COMMD7: variants seen among roughly 807,000 people sequenced by gnomAD.
COMMD7 encodes COMM domain containing 7.
In COMMD7, 28 loss-of-function variants were observed where a neutral mutation model predicts 34.8. That is an observed-to-expected ratio of 0.80 (90% CI 0.60 to 1.10). The LOEUF is 1.10. Ranked by LOEUF, COMMD7 falls within the 50% of genes least tolerant of loss-of-function variation. The pLI is 0.00. For synonymous variants in COMMD7, 80 were observed against 86.4 expected (o/e 0.93, Z 0.41); for missense variants, 211 against 241.6 (o/e 0.87, Z 0.84).
chr20:32,726,360 C>T (rs779692597), intron 3 of COMMD7, among the ~76,000 whole-genome samples: 4 of 151,876 alleles, frequency 2.6e-5, no homozygotes, highest in Middle Eastern at 3.2e-3. Flanking sequence ...TTCTGCACTG[C>T]ACTCCAGCCT....
At chr20:32,733,438 G>T (rs1985955543) in intron 1 of COMMD7, among the ~76,000 whole-genome samples, 2 of 151,924 alleles carry the variant, frequency 1.3e-5, no homozygotes, top group Middle Eastern at 3.4e-3. Context: ...TTCAAAAATG[G>T]CCTGGAGCGG....
intron 3 of COMMD7, among the ~76,000 whole-genome samples, chr20:32,724,082 C>T (rs1985355395): frequency 6.0e-5 from 1 of 16,606 alleles, no homozygotes; most frequent in East Asian, 9.9e-4. Flanking sequence ...CCGCCCCATC[C>T]GGGAGGGAGG....
chr20:32,738,925 C>G (rs1462316815), intron 1 of COMMD7, among the ~76,000 whole-genome samples: 1 of 152,002 alleles, frequency 6.6e-6, no homozygotes, highest in Non-Finnish European at 1.5e-5. Flanking sequence ...GAGATGGAGT[C>G]TTGCTACGTT....
intron 1 of COMMD7, among the ~76,000 whole-genome samples, 183 bp from the exon 2 acceptor site, chr20:32,728,325 C>G (rs538579925): frequency 1.8e-3 from 268 of 152,156 alleles, no homozygotes; most frequent in African/African-American, 6.1e-3. Flanking sequence ...ATACCTGTGT[C>G]GCTACATCAT....
At chr20:32,709,857 G>A (rs888128691) in intron 3 of COMMD7, among the ~76,000 whole-genome samples, 2 of 150,742 alleles carry the variant, frequency 1.3e-5, no homozygotes, top group African/African-American at 2.4e-5. Context: ...AAGGATCCCC[G>A]ACCATTCTAT....
intron 3 of COMMD7, among the ~76,000 whole-genome samples, chr20:32,715,251 G>A (rs1600977217): frequency 6.6e-6 from 1 of 151,930 alleles, no homozygotes; most frequent in Admixed American, 6.6e-5. Flanking sequence ...GGGAGGCTGA[G>A]GCAGGTGGAC....
At chr20:32,739,644 C>CAAAAAAAAAAAAAA (rs1176056154) in intron 1 of COMMD7, among the ~76,000 whole-genome samples, 4 of 55,994 alleles carry the variant, frequency 7.1e-5, no homozygotes, top group Non-Finnish European at 9.9e-5. Flanking sequence ...GGCTCTGTAT[C>CAAAAAAAAAAAAAA]AAAAAAAAAA....
At chr20:32,703,647 A>G in intron 8 of COMMD7, 189 bp from the exon 9 acceptor site, 2 of 1,429,616 alleles carry the variant, frequency 1.4e-6, no homozygotes, top group Non-Finnish European at 1.8e-6. Context: ...GCTCCAAAGG[A>G]AAAAAAAGGG....
chr20:32,737,379 A>AAAAAAAAAAAAAAAAAAAAAAG lies in COMMD7; in HGVS notation c.84+5928_84+5929insCTTTTTTTTTTTTTTTTTTTTT, dbSNP rs1387669938. Among the ~76,000 whole-genome samples, 3 of 101,620 alleles carry AAAAAAAAAAAAAAAAAAAAAAG rather than the reference A, an allele frequency of 3.0e-5. 1 individual carries two copies. Among genetic ancestry groups the AAAAAAAAAAAAAAAAAAAAAAG allele is most frequent in the Non-Finnish European group, 6.0e-5 (3 of 49,850 alleles). The allele number at this position is 101,620 out of a possible 152,430, so 66.7% of individuals were successfully genotyped here. On this transcript the variant is annotated intron_variant, in intron 1 of 8. Coordinates refer to ENST00000278980, the MANE Select transcript of COMMD7 (RefSeq NM_053041.3). The stretch of plus-strand genomic sequence containing the variant: ...AGCAAGACTCCGTCTCAAAAAAAAA[A>AAAAAAAAAAAAAAAAAAAAAAG]GATAAGCCAGGCACGGTGGTACATG...
chr20:32,704,423 A>T lies in COMMD7; in HGVS notation c.477+17T>A. 6.2e-7 allele frequency: 1 copy of T among 1,608,160 alleles called. No homozygotes were observed. Among genetic ancestry groups the T allele is most frequent in the Non-Finnish European group, 8.5e-7 (1 of 1,178,348 alleles). ...GTCAAAAATCTACCCATTTTCAAGG[A>T]TCAGGAGAAGACTTACTTGTAAAAA... On this transcript the variant is annotated intron_variant, in intron 7 of 8. Coordinates refer to ENST00000278980, the MANE Select transcript of COMMD7 (RefSeq NM_053041.3).
chr20:32,743,236 G>GGGCCCCCCCCCCCC, intron 1 of COMMD7, 72 bp downstream of exon 1: 5 of 555,854 alleles, frequency 9.0e-6, no homozygotes, highest in Non-Finnish European at 1.2e-5. Context: ...ACCCCCGGAC[G>GGGCCCCCCCCCCCC]TCCCCCCCAC....
intron 3 of COMMD7, among the ~76,000 whole-genome samples, chr20:32,713,853 C>T (rs113706750): frequency 6.6e-6 from 1 of 152,144 alleles, no homozygotes; most frequent in Admixed American, 6.6e-5. Context: ...TGGTGGCTCA[C>T]GCCTGTAATC....
At chr20:32,705,575 A>C (rs889019346) in intron 5 of COMMD7, among the ~76,000 whole-genome samples, 2 of 151,832 alleles carry the variant, frequency 1.3e-5, no homozygotes, top group Non-Finnish European at 2.9e-5. Context: ...GGGTTTCACC[A>C]TGTTAGGCAG....
chr20:32,728,181 A>G, intron 1 of COMMD7, 39 bp from the exon 2 acceptor site: 1 of 1,607,646 alleles, frequency 6.2e-7, no homozygotes. Context: ...TACAATTTCT[A>G]CTACTGGGTC....
rs1360533457 is a variant in COMMD7 at position 32,724,044 on chromosome 20, A to AG, written c.241+3848dup. Among the ~76,000 whole-genome samples the AG allele has an allele frequency of 4.5e-3, 56 of 12,348 alleles. 5 individuals are homozygous for AG. The highest frequency in any genetic ancestry group is 0.016 in the African/African-American group (53 of 3,348). The allele number at this position is 12,348 out of a possible 152,430, so 8.1% of individuals were successfully genotyped here. On this transcript the variant is annotated intron_variant, in intron 3 of 8. Transcript: ENST00000278980. ...AGCCACCCTGTCCGGGAGGGAGGTG[A>AG]GGGGGGGTCAGCCCCCCGCCCGGCC... is the stretch of plus-strand genomic sequence containing the variant.
Position 32,704,824 on chromosome 20 carries a change from C to T in COMMD7, c.417G>A (p.Trp139Ter), listed in dbSNP as rs1983966089. ...GTTGTAACTAGTTACCTCCAAATTTCCACTCCATATCTATGAGCTGGTTAA... is the reference window on the plus strand; with the variant it reads ...GTTGTAACTAGTTACCTCCAAATTTTCACTCCATATCTATGAGCTGGTTAA... ...LMINQLIDME[W>*]KFGVTSGSSE... is the part of the protein sequence containing the mutation. The change falls in exon 6 of 9, where the codon TGG becomes TGA. Residue 139 changes from tryptophan (W) to a stop codon, truncating the protein, a stop_gained. Transcript: ENST00000278980. LOFTEE classifies it high-confidence loss of function. 2 of 1,613,384 alleles carry T rather than the reference C, an allele frequency of 1.2e-6. No homozygotes were observed. Among genetic ancestry groups the T allele is most frequent in the Non-Finnish European group, 1.7e-6 (2 of 1,179,428 alleles).
chr20:32,704,166 A>G, intron 7 of COMMD7, 95 bp from the exon 8 acceptor site: 1 of 1,044,274 alleles, frequency 9.6e-7, no homozygotes, highest in South Asian at 1.7e-5. Flanking sequence ...TTCCAACCTG[A>G]GAGTCATACA....
Position 32,742,965 on chromosome 20 carries a change from A to T in COMMD7, c.84+343T>A, listed in dbSNP as rs1601015803. ...CAGTTCCCCAAACTCCTTCAGCCTC[A>T]TCTAGACTCCCCTCCGTCCCTCTTC... On this transcript the variant is annotated intron_variant, in intron 1 of 8. Coordinates refer to ENST00000278980, the MANE Select transcript of COMMD7 (RefSeq NM_053041.3). Among the ~76,000 whole-genome samples, 3 of 151,678 alleles carry T rather than the reference A, an allele frequency of 2.0e-5. No homozygotes were observed. The East Asian group carries it at 5.9e-4, about 30-fold the overall frequency.
At chr20:32,713,490 T>G (rs1984593234) in intron 3 of COMMD7, among the ~76,000 whole-genome samples, 1 of 152,236 alleles carries the variant, frequency 6.6e-6, no homozygotes, top group African/African-American at 2.4e-5. Context: ...AACATTGTTC[T>G]TATTCAGTGT....
Sources: allele counts gnomAD v4.1 joint callset (sites outside exome capture counted in the v4.1 genomes callset), GRCh38; gene constraint gnomAD v4.1.1; transcripts MANE v1.5; gene names NCBI Gene and HGNC (gene_info 2026-07-23, HGNC 2026-07-21).